SPIDR: variants seen among roughly 807,000 people sequenced by gnomAD.
SPIDR encodes DNA repair-scaffolding protein.
Under a neutral mutation model 104.6 loss-of-function variants are expected in SPIDR, and 93 were observed. The ratio of observed to expected loss-of-function variants is 0.89; its 90% CI spans 0.75 to 1.06. SPIDR has a LOEUF of 1.06. SPIDR is among the 50% of genes least tolerant of loss of function. The pLI, the probability that SPIDR is intolerant of heterozygous loss-of-function variation, is 0.00. For missense variants in SPIDR, 1,154 were observed against 1,111.2 expected (o/e 1.04, Z -0.55); for synonymous variants, 431 against 416.9 (o/e 1.03, Z -0.41).
intron 14 of SPIDR, among the ~76,000 whole-genome samples, chr8:47,704,164 CAT>C (rs1189676580): frequency 2.0e-5 from 3 of 152,178 alleles, no homozygotes; most frequent in African/African-American, 7.2e-5. Flanking sequence ...CTTGCCAGCA[CAT>C]AGAGTCTTGC....
At chr8:47,440,872 G>C (rs1482108229) in intron 8 of SPIDR, among the ~76,000 whole-genome samples, 2 of 152,170 alleles carry the variant, frequency 1.3e-5, no homozygotes, top group Admixed American at 6.5e-5. Flanking sequence ...GGCATTATGT[G>C]ACAGTAGGAT....
At chr8:47,388,597 A>T (rs1588058172) in intron 5 of SPIDR, 1 of 153,906 alleles carries the variant, frequency 6.5e-6, no homozygotes, top group Non-Finnish European at 1.5e-5. Context: ...AATCTGGAGG[A>T]AAAAAATCTG....
intron 11 of SPIDR, among the ~76,000 whole-genome samples, chr8:47,693,973 C>T (rs1022484715): frequency 3.3e-5 from 5 of 152,170 alleles, no homozygotes; most frequent in African/African-American, 1.2e-4. Context: ...GCCCCAGGAG[C>T]CACATGAAGA....
At chr8:47,412,456 C>T (rs996872460) in intron 7 of SPIDR, among the ~76,000 whole-genome samples, 4 of 152,126 alleles carry the variant, frequency 2.6e-5, no homozygotes, top group African/African-American at 9.7e-5. Flanking sequence ...TGGTAACTCT[C>T]CTCTTCAAGT....
chr8:47,731,544 G>A (rs1391463095), intron 19 of SPIDR, among the ~76,000 whole-genome samples: 1 of 152,268 alleles, frequency 6.6e-6, no homozygotes, highest in African/African-American at 2.4e-5. Context: ...GGGGATGAGT[G>A]CAGTGCCCAA....
At chr8:47,317,457 G>A (rs1396237116) in intron 5 of SPIDR, among the ~76,000 whole-genome samples, 1 of 152,154 alleles carries the variant, frequency 6.6e-6, no homozygotes, top group Non-Finnish European at 1.5e-5. Flanking sequence ...CCACAGGGAA[G>A]CTGGAACTGG....
chr8:47,609,905 A>G (rs2063405669), intron 10 of SPIDR, among the ~76,000 whole-genome samples: 1 of 152,218 alleles, frequency 6.6e-6, no homozygotes, highest in Admixed American at 6.5e-5. Context: ...TAAAGGGAAA[A>G]GTGAAATGGA....
intron 17 of SPIDR, among the ~76,000 whole-genome samples, 163 bp downstream of exon 17, chr8:47,727,456 T>C (rs2084426613): frequency 6.6e-6 from 1 of 152,162 alleles, no homozygotes; most frequent in Admixed American, 6.5e-5. Context: ...TGGGGCCCAG[T>C]GGGTTTTCCT....
intron 8 of SPIDR, among the ~76,000 whole-genome samples, chr8:47,591,349 C>T (rs1211620256): frequency 6.6e-6 from 1 of 151,704 alleles, no homozygotes; most frequent in Non-Finnish European, 1.5e-5. Flanking sequence ...TAACTTAGCA[C>T]AGTCTACTGG....
At chr8:47,710,920 C>T (rs973548301) in intron 14 of SPIDR, among the ~76,000 whole-genome samples, 1 of 152,060 alleles carries the variant, frequency 6.6e-6, no homozygotes, top group African/African-American at 2.4e-5. Context: ...GCTGGGACTA[C>T]AGGCACTCGC....
At chr8:47,656,775 T>C (rs1488936496) in intron 10 of SPIDR, among the ~76,000 whole-genome samples, 4 of 152,206 alleles carry the variant, frequency 2.6e-5, no homozygotes, top group Non-Finnish European at 5.9e-5. Context: ...TGTCAGCTGA[T>C]AGAAGATAAA....
At chr8:47,346,931 GTT>G (rs781876591) in intron 5 of SPIDR, among the ~76,000 whole-genome samples, 1 of 151,930 alleles carries the variant, frequency 6.6e-6, no homozygotes, top group Non-Finnish European at 1.5e-5. Flanking sequence ...TTTTTGAAGG[GTT>G]TTTTTGTGTC....
intron 11 of SPIDR, among the ~76,000 whole-genome samples, chr8:47,691,657 C>T (rs1185702708): frequency 6.6e-6 from 1 of 152,200 alleles, no homozygotes; most frequent in African/African-American, 2.4e-5. Flanking sequence ...GTATTCTAAG[C>T]CATGTTCTCT....
chr8:47,734,344 C>T (rs1291403998), intron 19 of SPIDR, among the ~76,000 whole-genome samples: 1 of 152,152 alleles, frequency 6.6e-6, no homozygotes, highest in East Asian at 1.9e-4. Context: ...GAGGCCAGCT[C>T]AAACTCAGGG....
chr8:47,420,608 AT>A (rs1259429433), intron 7 of SPIDR, among the ~76,000 whole-genome samples: 3 of 152,168 alleles, frequency 2.0e-5, no homozygotes, highest in Non-Finnish European at 4.4e-5. Context: ...CATTTAGCCC[AT>A]TTACATTTAA....
chr8:47,476,322 G>A (rs115974159), intron 8 of SPIDR, among the ~76,000 whole-genome samples: 45 of 152,222 alleles, frequency 3.0e-4, no homozygotes, highest in African/African-American at 1.1e-3. Context: ...GATTGGACAG[G>A]CTCCTTGATT....
chr8:47,625,498 A>C (rs1396130522), intron 10 of SPIDR, among the ~76,000 whole-genome samples: 1 of 152,248 alleles, frequency 6.6e-6, no homozygotes, highest in East Asian at 1.9e-4. Flanking sequence ...CCATTGTTTC[A>C]GCCCAAAATC....
chr8:47,292,350 A>G (rs1415514823), intron 4 of SPIDR, among the ~76,000 whole-genome samples: 4 of 152,180 alleles, frequency 2.6e-5, no homozygotes, highest in Non-Finnish European at 5.9e-5. Context: ...TTTAGTAGTT[A>G]CCAGGTGAAG....
chr8:47,555,113 C>G (rs2091163240), intron 8 of SPIDR, among the ~76,000 whole-genome samples: 2 of 152,176 alleles, frequency 1.3e-5, no homozygotes, highest in Admixed American at 1.3e-4. Context: ...TCTTCTGTCT[C>G]TGTTTTGCTA....
Sources: allele counts gnomAD v4.1 joint callset (sites outside exome capture counted in the v4.1 genomes callset), GRCh38; gene constraint gnomAD v4.1.1; transcripts MANE v1.5; gene names NCBI Gene and HGNC (gene_info 2026-07-23, HGNC 2026-07-21).